SYN2: variants seen among roughly 807,000 people sequenced by gnomAD.
The protein encoded by SYN2 is synapsin-2.
Under a neutral mutation model 50.9 loss-of-function variants are expected in SYN2, and 19 were observed. The ratio of observed to expected loss-of-function variants is 0.37; its 90% CI spans 0.26 to 0.55. The LOEUF is 0.55. SYN2 is among the 20% of genes least tolerant of loss of function. The pLI is 0.81. For synonymous variants in SYN2, 255 were observed against 224.9 expected, an observed-to-expected ratio of 1.13 and a Z score of -1.20; for missense variants, 587 against 576.4, an observed-to-expected ratio of 1.02 and a Z score of -0.19.
At chr3:12,176,799 A>T (rs1270994900) in intron 10 of SYN2, among the ~76,000 whole-genome samples, 1 of 152,232 alleles carries the variant, frequency 6.6e-6, no homozygotes, top group Non-Finnish European at 1.5e-5. Flanking sequence ...TAGCTCTCTG[A>T]TGCCGCCATG....
At chr3:12,172,252 A>C (rs1461607020) in intron 10 of SYN2, among the ~76,000 whole-genome samples, 1 of 152,214 alleles carries the variant, frequency 6.6e-6, no homozygotes, top group African/African-American at 2.4e-5. Context: ...GATGATGTCT[A>C]GATCCCTTTC....
chr3:12,186,076 G>T (rs1188395482), intron 11 of SYN2, among the ~76,000 whole-genome samples: 1 of 152,158 alleles, frequency 6.6e-6, no homozygotes, highest in African/African-American at 2.4e-5. Flanking sequence ...GGATAGTCAT[G>T]GGTGCACAGT....
intron 1 of SYN2, chr3:12,071,163 C>T: frequency 1.8e-6 from 1 of 553,404 alleles, no homozygotes; most frequent in Non-Finnish European, 3.7e-6. Context: ...ACCCGGGCAT[C>T]ACCAACAGGA....
intron 1 of SYN2, among the ~76,000 whole-genome samples, chr3:12,073,885 C>G (rs1483306607): frequency 2.0e-5 from 3 of 152,094 alleles, no homozygotes; most frequent in Non-Finnish European, 4.4e-5. Context: ...ATAAAATATT[C>G]ACATACTTGG....
chr3:12,150,894 A>G (rs7629805), intron 4 of SYN2, among the ~76,000 whole-genome samples: 14,646 of 152,004 alleles, frequency 0.096, 985 homozygotes, highest in African/African-American at 0.19. Flanking sequence ...CCAATTTTTG[A>G]TCCCAGCTTC....
In SYN2 at chr3:12,114,698, TA is replaced by T. The variant is rs1334454916; in HGVS notation, c.378-25946del. 3.9e-5 allele frequency among the ~76,000 whole-genome samples: 6 copies of T among 152,246 alleles called. 1 individual carries two copies. The South Asian group carries it at 6.2e-4, about 16-fold the overall frequency. On this transcript the variant is annotated intron_variant, in intron 1 of 12. Coordinates refer to ENST00000621198, the MANE Select transcript of SYN2 (RefSeq NM_133625.6). ...TTCACCATATGTTTGAAATTTTTCA[TA>T]AAAAAATATTGAAGGGAGAAGGAAA... is the stretch of plus-strand genomic sequence containing the variant.
intron 1 of SYN2, among the ~76,000 whole-genome samples, chr3:12,097,262 A>G (rs966738303): frequency 1.1e-4 from 16 of 152,188 alleles, no homozygotes; most frequent in African/African-American, 3.9e-4. Context: ...AAGACTTGGA[A>G]CCTTGGAACC....
At chr3:12,084,839 G>A (rs1396067855) in intron 1 of SYN2, among the ~76,000 whole-genome samples, 1 of 152,106 alleles carries the variant, frequency 6.6e-6, no homozygotes, top group Non-Finnish European at 1.5e-5. Context: ...GTTACAAGAT[G>A]TTTTATGTAA....
chr3:12,097,833 A>G (rs1028676497), intron 1 of SYN2, among the ~76,000 whole-genome samples: 3 of 152,076 alleles, frequency 2.0e-5, no homozygotes. Flanking sequence ...AGTGGGGAAC[A>G]TCACACACCA....
At chr3:12,172,090 A>G (rs1358323067) in intron 10 of SYN2, among the ~76,000 whole-genome samples, 2 of 152,200 alleles carry the variant, frequency 1.3e-5, no homozygotes, top group Non-Finnish European at 2.9e-5. Context: ...CCTTACATTC[A>G]TATCCAAAGG....
chr3:12,034,385 A>C (rs1466418179), intron 1 of SYN2, among the ~76,000 whole-genome samples: 3 of 152,130 alleles, frequency 2.0e-5, no homozygotes, highest in Non-Finnish European at 4.4e-5. Flanking sequence ...TGATTGGGCT[A>C]ATTTAATTGA....
At chr3:12,119,776 A>G (rs1696512499) in intron 1 of SYN2, among the ~76,000 whole-genome samples, 1 of 152,014 alleles carries the variant, frequency 6.6e-6, no homozygotes, top group East Asian at 1.9e-4. Flanking sequence ...TTGATTCCTT[A>G]TGTCTTTCCC....
intron 1 of SYN2, among the ~76,000 whole-genome samples, chr3:12,093,108 C>A (rs1199151528): frequency 2.6e-5 from 4 of 152,166 alleles, no homozygotes; most frequent in Admixed American, 1.3e-4. Flanking sequence ...CTTTAAGTTT[C>A]TTTCTAGCTC....
chr3:12,070,511 T>G (rs1695327157), intron 1 of SYN2: 70 of 741,080 alleles, frequency 9.4e-5, no homozygotes, highest in Middle Eastern at 3.0e-4. Flanking sequence ...CCTTCTACAG[T>G]GAGTTGCGTG....
intron 1 of SYN2, chr3:12,070,372 A>T: frequency 1.9e-6 from 1 of 522,960 alleles, no homozygotes; most frequent in Non-Finnish European, 3.9e-6. Flanking sequence ...CATGGGTCAG[A>T]AGGACTCCTA....
At chr3:12,054,923 A>T (rs1694955414) in intron 1 of SYN2, among the ~76,000 whole-genome samples, 1 of 152,140 alleles carries the variant, frequency 6.6e-6, no homozygotes. Flanking sequence ...AAAATTTAGA[A>T]AAGTACTGCT....
intron 1 of SYN2, among the ~76,000 whole-genome samples, chr3:12,081,714 A>G (rs1402743337): frequency 6.6e-6 from 1 of 152,124 alleles, no homozygotes; most frequent in East Asian, 1.9e-4. Context: ...CTTCCACCAC[A>G]TATGCCCCCT....
intron 1 of SYN2, among the ~76,000 whole-genome samples, chr3:12,052,886 T>G (rs758221750): frequency 6.6e-6 from 1 of 152,246 alleles, no homozygotes; most frequent in Non-Finnish European, 1.5e-5. Context: ...ATCCTACTTA[T>G]CTTCCTTTGA....
In SYN2 at chr3:12,050,152, C is replaced by T. The variant is rs531120125; in HGVS notation, c.377+45224C>T. ...ATGACCTCAGGCGATTCACCCGCCT[C>T]GGCCTCCCAAAGTGCTGGGATTACA... On this transcript the variant is annotated intron_variant, in intron 1 of 12. Transcript: ENST00000621198. Among the ~76,000 whole-genome samples, 4 of 152,224 alleles carry T rather than the reference C, an allele frequency of 2.6e-5. 1 individual carries two copies. The highest frequency in any genetic ancestry group is 2.6e-4 in the Admixed American group (4 of 15,286).
Sources: allele counts gnomAD v4.1 joint callset (sites outside exome capture counted in the v4.1 genomes callset), GRCh38; gene constraint gnomAD v4.1.1; transcripts MANE v1.5; gene names NCBI Gene and HGNC (gene_info 2026-07-23, HGNC 2026-07-21).